NTM: variants seen among roughly 807,000 people sequenced by gnomAD.
NTM encodes the protein IgLON family member 2.
NTM carries 13 observed loss-of-function variants against 42.1 expected under a neutral mutation model. The ratio of observed to expected loss-of-function variants is 0.31; its 90% CI spans 0.20 to 0.49. NTM has a LOEUF of 0.49. Ranked by LOEUF, NTM falls within the 20% of genes least tolerant of loss-of-function variation. The probability of loss-of-function intolerance (pLI) is 0.99; values close to 1 mark genes in which losing one functional copy is unlikely to be tolerated. For synonymous variants in NTM, 187 were observed against 179.2 expected, an observed-to-expected ratio of 1.04 and a Z score of -0.35; for missense variants, 373 against 452.8, an observed-to-expected ratio of 0.82 and a Z score of 1.60.
At chr11:131,888,523 G>A (rs912142709) in intron 1 of NTM, among the ~76,000 whole-genome samples, 3 of 152,108 alleles carry the variant, frequency 2.0e-5, no homozygotes, top group African/African-American at 7.2e-5. Flanking sequence ...TCAGGTCAAA[G>A]GTCACTGCAG....
Position 131,914,736 on chromosome 11 carries a change from G to C in NTM, c.167+3088G>C, listed in dbSNP as rs546792661. Among the ~76,000 whole-genome samples, 57 of 152,268 alleles carry C rather than the reference G, an allele frequency of 3.7e-4. 1 individual carries two copies. The highest frequency in any genetic ancestry group is 1.3e-3 in the African/African-American group (55 of 41,550). On this transcript the variant is annotated intron_variant, in intron 2 of 8. Transcript: ENST00000683400. The stretch of plus-strand genomic sequence containing the variant: ...TCCCACTCTTTCTGCCCTCCCGCTG[G>C]CATTCTGTAGGCATATTTCTTAAAA...
At chr11:131,945,071 C>G (rs990506158) in intron 2 of NTM, among the ~76,000 whole-genome samples, 1 of 152,168 alleles carries the variant, frequency 6.6e-6, no homozygotes, top group Non-Finnish European at 1.5e-5. Context: ...TTTATTTTCC[C>G]CTTTCACCAA....
intron 2 of NTM, among the ~76,000 whole-genome samples, chr11:132,079,075 C>G (rs984839545): frequency 6.6e-6 from 1 of 152,152 alleles, no homozygotes; most frequent in Non-Finnish European, 1.5e-5. Flanking sequence ...CCACGGAAGA[C>G]AAGCAATGTG....
chr11:131,712,585 A>G (rs1371482978), intron 1 of NTM, among the ~76,000 whole-genome samples: 1 of 151,990 alleles, frequency 6.6e-6, no homozygotes, highest in African/African-American at 2.4e-5. Flanking sequence ...TTCCTGCAGT[A>G]GATACATTTT....
chr11:131,910,688 T>G, intron 1 of NTM: 1 of 284,206 alleles, frequency 3.5e-6, no homozygotes, highest in Non-Finnish European at 5.3e-6. Context: ...GCGGCTCCGG[T>G]GCGGGCTGCG....
rs556599300 is a variant in NTM at position 132,325,719 on chromosome 11, T to C, written c.935-4434T>C. Among the ~76,000 whole-genome samples the C allele has an allele frequency of 2.1e-3, 319 of 152,300 alleles. 3 individuals are homozygous for C. Among genetic ancestry groups the C allele is most frequent in the African/African-American group, 7.4e-3 (308 of 41,544 alleles). On this transcript the variant is annotated intron_variant, in intron 7 of 8. Transcript: ENST00000683400. The stretch of plus-strand genomic sequence containing the variant: ...GCTGCTATAAAGACACACGCACACA[T>C]ATGTTTATTGTGGCACTATTCACAA...
chr11:132,103,486 AATTT>A (rs1395478924), intron 2 of NTM, among the ~76,000 whole-genome samples: 2 of 152,184 alleles, frequency 1.3e-5, no homozygotes, highest in Non-Finnish European at 1.5e-5. Flanking sequence ...TTGTCTGGAT[AATTT>A]ATTTATTTTA....
intron 1 of NTM, among the ~76,000 whole-genome samples, chr11:131,575,296 A>T (rs1217746494): frequency 6.6e-6 from 1 of 152,212 alleles, no homozygotes; most frequent in Non-Finnish European, 1.5e-5. Context: ...CTTCTGTGAC[A>T]GGGAGCCCCC....
At chr11:131,818,591 A>G (rs1386268038) in intron 1 of NTM, among the ~76,000 whole-genome samples, 1 of 152,140 alleles carries the variant, frequency 6.6e-6, no homozygotes, top group African/African-American at 2.4e-5. Flanking sequence ...GAAATACTCA[A>G]TTGCCAAAAA....
intron 2 of NTM, among the ~76,000 whole-genome samples, chr11:132,134,706 TATATATATATATATA>T (rs1370182883): frequency 3.4e-4 from 1 of 2,922 alleles, no homozygotes; most frequent in African/African-American, 3.3e-3. Flanking sequence ...TATTCCATGG[TATATATATATATATA>T]TATATATATA....
intron 1 of NTM, among the ~76,000 whole-genome samples, chr11:131,766,777 C>T (rs569489598): frequency 2.0e-5 from 3 of 152,200 alleles, no homozygotes; most frequent in South Asian, 2.1e-4. Flanking sequence ...TTTCCACTGA[C>T]GATTTTCCTT....
chr11:132,284,602 GGACCC>G (rs2094147795), intron 4 of NTM, among the ~76,000 whole-genome samples: 1 of 152,072 alleles, frequency 6.6e-6, no homozygotes, highest in Non-Finnish European at 1.5e-5. Context: ...TGTGATACTG[GGACCC>G]TGCTTCCAAA....
intron 1 of NTM, among the ~76,000 whole-genome samples, chr11:131,678,639 G>T (rs1354620824): frequency 6.6e-6 from 1 of 152,194 alleles, no homozygotes; most frequent in African/African-American, 2.4e-5. Context: ...CAAGGGCATT[G>T]CTCTTTTCTT....
At chr11:132,185,854 G>A (rs1007979618) in intron 3 of NTM, among the ~76,000 whole-genome samples, 20 of 152,082 alleles carry the variant, frequency 1.3e-4, no homozygotes, top group African/African-American at 4.8e-4. Context: ...TTATTTTTGG[G>A]CTCGGATTCT....
chr11:131,657,189 A>G (rs2067310400), intron 1 of NTM, among the ~76,000 whole-genome samples: 1 of 147,840 alleles, frequency 6.8e-6, no homozygotes, highest in South Asian at 2.1e-4. Context: ...AGGTGAGGGG[A>G]CCCTTGAGTG....
intron 7 of NTM, among the ~76,000 whole-genome samples, chr11:132,316,094 T>A (rs538815785): frequency 1.3e-5 from 2 of 151,748 alleles, no homozygotes; most frequent in East Asian, 3.9e-4. Flanking sequence ...GCACTCCTCA[T>A]CCTCACAGGG....
intron 2 of NTM, among the ~76,000 whole-genome samples, chr11:132,069,499 A>G (rs2057095062): frequency 7.7e-6 from 1 of 129,738 alleles, no homozygotes; most frequent in Non-Finnish European, 1.6e-5. Context: ...CACACAGCCA[A>G]GTTAACACGT....
intron 2 of NTM, among the ~76,000 whole-genome samples, chr11:132,038,644 C>T (rs946785437): frequency 6.6e-6 from 1 of 152,174 alleles, no homozygotes; most frequent in Non-Finnish European, 1.5e-5. Context: ...GCTGTTGCTG[C>T]ACTTACTGAT....
At chr11:131,413,973 A>G (rs1459952163) in intron 1 of NTM, among the ~76,000 whole-genome samples, 1 of 152,148 alleles carries the variant, frequency 6.6e-6, no homozygotes, top group African/African-American at 2.4e-5. Context: ...GAGTAATAGA[A>G]TCCTGGTTCT....
Sources: allele counts gnomAD v4.1 joint callset (sites outside exome capture counted in the v4.1 genomes callset), GRCh38; gene constraint gnomAD v4.1.1; transcripts MANE v1.5; gene names NCBI Gene and HGNC (gene_info 2026-07-23, HGNC 2026-07-21).